The following FAT3 variants were observed in gnomAD, a reference collection of about 807,000 sequenced individuals.
FAT3 encodes the protein FAT atypical cadherin 3.
In FAT3, 95 loss-of-function variants were observed where a neutral mutation model predicts 310.2. The ratio of observed to expected loss-of-function variants is 0.31; its 90% CI spans 0.26 to 0.36. FAT3 has a LOEUF of 0.36. FAT3 is among the 10% of genes least tolerant of loss of function. FAT3 has a pLI of 1.00. For missense variants in FAT3, 5,408 were observed against 5,715.6 expected, an observed-to-expected ratio of 0.95 and a Z score of 1.74; for synonymous variants, 2,314 against 2,192.9, an observed-to-expected ratio of 1.06 and a Z score of -1.54.
intron 3 of FAT3, among the ~76,000 whole-genome samples, chr11:92,689,708 C>T (rs960258977): frequency 1.1e-4 from 17 of 152,120 alleles, no homozygotes; most frequent in Admixed American, 1.0e-3. Context: ...GGCATGTACA[C>T]AGCATCTCTG....
chr11:92,880,058 C>T (rs1467836598), intron 22 of FAT3, among the ~76,000 whole-genome samples: 1 of 151,638 alleles, frequency 6.6e-6, no homozygotes, highest in Non-Finnish European at 1.5e-5. Flanking sequence ...CCTCTTTCCA[C>T]ATCTGATATT....
At chr11:92,459,071 AC>A (rs1161737244) in intron 2 of FAT3, among the ~76,000 whole-genome samples, 18 of 152,198 alleles carry the variant, frequency 1.2e-4, no homozygotes, top group Non-Finnish European at 5.9e-5. Flanking sequence ...ATGATCCTTT[AC>A]CCCTACTGCA....
intron 21 of FAT3, among the ~76,000 whole-genome samples, chr11:92,865,561 A>G (rs1436262743): frequency 6.6e-6 from 1 of 152,218 alleles, no homozygotes; most frequent in Non-Finnish European, 1.5e-5. Context: ...GGTCATAGAC[A>G]TAGGCCAGAA....
chr11:92,737,756 C>T (rs997480900), intron 4 of FAT3, among the ~76,000 whole-genome samples: 2 of 151,668 alleles, frequency 1.3e-5, no homozygotes, highest in Non-Finnish European at 2.9e-5. Flanking sequence ...TTGGGAAGAA[C>T]GAACTTTGTT....
chr11:92,255,025 C>A (rs1418808982), intron 1 of FAT3, among the ~76,000 whole-genome samples: 1 of 152,066 alleles, frequency 6.6e-6, no homozygotes, highest in East Asian at 1.9e-4. Flanking sequence ...TATTTTTTAA[C>A]ATCAGCAATT....
At chr11:92,597,163 A>G (rs1263553689) in intron 3 of FAT3, among the ~76,000 whole-genome samples, 1 of 152,186 alleles carries the variant, frequency 6.6e-6, no homozygotes, top group Non-Finnish European at 1.5e-5. Context: ...CTCTAGGGGA[A>G]TTTTCTTATG....
chr11:92,705,364 G>A (rs529117510), intron 4 of FAT3, among the ~76,000 whole-genome samples: 2 of 141,216 alleles, frequency 1.4e-5, no homozygotes, highest in African/African-American at 5.2e-5. Flanking sequence ...TAGTGTGATG[G>A]TGTTGGTGAT....
intron 3 of FAT3, among the ~76,000 whole-genome samples, chr11:92,613,634 T>C (rs1940670833): frequency 6.6e-6 from 1 of 152,200 alleles, no homozygotes; most frequent in African/African-American, 2.4e-5. Context: ...GCCTCTGTTT[T>C]GGAGCTGGCC....
intron 18 of FAT3, among the ~76,000 whole-genome samples, chr11:92,843,714 T>C (rs1948603825): frequency 6.6e-6 from 1 of 152,214 alleles, no homozygotes; most frequent in Non-Finnish European, 1.5e-5. Flanking sequence ...ATTGTGTTGA[T>C]ACATTTTATT....
intron 3 of FAT3, among the ~76,000 whole-genome samples, chr11:92,633,029 G>A (rs77743541): frequency 8.5e-5 from 13 of 152,050 alleles, no homozygotes; most frequent in Non-Finnish European, 1.9e-4. Context: ...CTACAATCAT[G>A]GTGTTATAAT....
chr11:92,591,278 G>A (rs1247199435), intron 3 of FAT3, among the ~76,000 whole-genome samples: 2 of 152,122 alleles, frequency 1.3e-5, no homozygotes, highest in Non-Finnish European at 2.9e-5. Context: ...TCTGAAGTAA[G>A]ACCAGGATAG....
intron 1 of FAT3, among the ~76,000 whole-genome samples, chr11:92,320,266 G>A (rs1947577332): frequency 6.6e-6 from 1 of 152,180 alleles, no homozygotes; most frequent in Non-Finnish European, 1.5e-5. Context: ...CTTTTAGGCA[G>A]AGTCAGTTTA....
intron 1 of FAT3, among the ~76,000 whole-genome samples, chr11:92,249,717 G>C (rs1052124720): frequency 1.3e-5 from 2 of 152,034 alleles, no homozygotes; most frequent in Non-Finnish European, 2.9e-5. Context: ...TGAAGAAATA[G>C]ATTTCAATAC....
At chr11:92,333,072 G>A (rs146565724) in intron 1 of FAT3, among the ~76,000 whole-genome samples, 4 of 152,120 alleles carry the variant, frequency 2.6e-5, no homozygotes, top group African/African-American at 9.7e-5. Context: ...TGGCTCCAAG[G>A]TCAAGCCAAG....
chr11:92,411,255 A>G (rs2134921143), intron 2 of FAT3, among the ~76,000 whole-genome samples: 1 of 150,734 alleles, frequency 6.6e-6, no homozygotes, highest in East Asian at 1.9e-4. Context: ...AGTTAAAGGT[A>G]ATGTTTTTTG....
chr11:92,702,880 GA>G (rs1775562740), intron 4 of FAT3, among the ~76,000 whole-genome samples: 1 of 152,068 alleles, frequency 6.6e-6, no homozygotes. Context: ...AAATTAAAAA[GA>G]AGATGACAAG....
At chr11:92,573,913 A>G (rs546875663) in intron 3 of FAT3, among the ~76,000 whole-genome samples, 84 of 152,304 alleles carry the variant, frequency 5.5e-4, no homozygotes, top group African/African-American at 1.9e-3. Flanking sequence ...AAACTAATAC[A>G]TTGGTCAATT....
chr11:92,588,710 G>A (rs1487866391), intron 3 of FAT3, among the ~76,000 whole-genome samples: 1 of 148,236 alleles, frequency 6.7e-6, no homozygotes, highest in Non-Finnish European at 1.5e-5. Flanking sequence ...AGCCAGATGG[G>A]TTTGGGTGGA....
Position 92,508,808 on chromosome 11 carries a change from A to G in FAT3, c.3293-15826A>G, listed in dbSNP as rs146195654. Among the ~76,000 whole-genome samples, 259 of 152,288 alleles carry G rather than the reference A, an allele frequency of 1.7e-3. 1 individual carries two copies. The highest frequency in any genetic ancestry group is 5.9e-3 in the African/African-American group (247 of 41,580). On this transcript the variant is annotated intron_variant, in intron 2 of 27. Coordinates refer to ENST00000525166, the MANE Select transcript of FAT3 (RefSeq NM_001367949.2). ...CTTTGTGCTAAGTTAGAGAGTCGGT[A>G]TTAAATAAGTCTAAAAATTGGATTA... is the stretch of plus-strand genomic sequence containing the variant.
Sources: allele counts gnomAD v4.1 joint callset (sites outside exome capture counted in the v4.1 genomes callset), GRCh38; gene constraint gnomAD v4.1.1; transcripts MANE v1.5; gene names NCBI Gene and HGNC (gene_info 2026-07-23, HGNC 2026-07-21).